HIBCH: variants seen among roughly 807,000 people sequenced by gnomAD.
HIBCH encodes the protein 3-hydroxyisobutyryl-CoA hydrolase, also known as 3-hydroxyisobutyryl-CoA hydrolase, mitochondrial.
HIBCH carries 50 observed loss-of-function variants against 58.2 expected under a neutral mutation model. The observed-to-expected ratio is 0.86, with a 90% CI of 0.68 to 1.09. HIBCH has a LOEUF of 1.09. HIBCH is among the 50% of genes least tolerant of loss of function. HIBCH has a pLI of 0.00. For synonymous variants in HIBCH, 151 were observed against 146.9 expected (o/e 1.03, Z -0.20); for missense variants, 450 against 449.7 (o/e 1.00, Z -0.01).
rs541884178 is a variant in HIBCH, at chr2:190,279,147, T to G, written c.438+8439A>C. Reference sequence around the variant, plus strand: ...AGGGGCAAGAGCATGCCAAACTGGCTTTTAAAACAGACCCATTCCCATGGT... The same window carrying G: ...AGGGGCAAGAGCATGCCAAACTGGCGTTTAAAACAGACCCATTCCCATGGT... On this transcript the variant is annotated intron_variant, in intron 6 of 13. Transcript: ENST00000359678. This position sits in a 1 kb window ranked among gnomAD's most constrained non-coding sequence, Gnocchi z 4.2. 3.3e-5 allele frequency among the ~76,000 whole-genome samples: 5 copies of G among 152,320 alleles called. No individual in the cohort carries two copies. The highest frequency in any genetic ancestry group is 1.3e-4 in the Admixed American group (2 of 15,304).
chr2:190,257,028 T>C (rs1054690694), intron 7 of HIBCH, among the ~76,000 whole-genome samples: 4 of 152,142 alleles, frequency 2.6e-5, no homozygotes, highest in African/African-American at 9.7e-5. Flanking sequence ...AAAAAAAGTA[T>C]TTGTAGAAAT....
chr2:190,192,873 C>G (rs1689782884), intron 1 of HIBCH, among the ~76,000 whole-genome samples: 1 of 152,068 alleles, frequency 6.6e-6, no homozygotes, highest in Non-Finnish European at 1.5e-5. Flanking sequence ...TAAGACCTTG[C>G]TACAATTATT....
Position 190,253,114 on chromosome 2 carries a change from G to A in HIBCH, c.518-807C>T, listed in dbSNP as rs113383585. On this transcript the variant is annotated intron_variant, in intron 7 of 13. Transcript: ENST00000359678. ...TGAGGCAGGAGAATCGCTTGAACCC[G>A]AGAGGCAGAGGTTGCAGTGAGCTAA... Among the ~76,000 whole-genome samples, 1,062 of 152,198 alleles carry A rather than the reference G, an allele frequency of 7.0e-3. 12 individuals carry two copies. Among genetic ancestry groups the A allele is most frequent in the African/African-American group, 0.023 (955 of 41,520 alleles).
chr2:190,239,103 T>A (rs1686373506), intron 11 of HIBCH, among the ~76,000 whole-genome samples: 1 of 152,196 alleles, frequency 6.6e-6, no homozygotes, highest in South Asian at 2.1e-4. Flanking sequence ...TTTTAGGTCT[T>A]ATGTTTAAGT....
chr2:190,231,262 T>C (rs2105920067), intron 11 of HIBCH, among the ~76,000 whole-genome samples: 1 of 152,302 alleles, frequency 6.6e-6, no homozygotes, highest in Non-Finnish European at 1.5e-5. Context: ...CTAGAAATCT[T>C]CCAGAAGAAA....
chr2:190,266,550 C>T (rs1418162111), intron 6 of HIBCH, among the ~76,000 whole-genome samples: 2 of 152,022 alleles, frequency 1.3e-5, no homozygotes, highest in African/African-American at 2.4e-5. Flanking sequence ...TCTCCTGCCT[C>T]GGCCTCCGGA....
Position 190,290,503 on chromosome 2 carries a change from C to CA in HIBCH, c.305-19dup. 6.7e-7 allele frequency: 1 copy of CA among 1,482,622 alleles called. No individual in the cohort carries two copies. The highest frequency in any genetic ancestry group is 1.2e-5 in the South Asian group (1 of 85,780). The allele number at this position is 1,482,622 out of a possible 1,614,324, so 91.8% of individuals were successfully genotyped here. On this transcript the variant is annotated intron_variant, in intron 4 of 13. Coordinates refer to ENST00000359678, the MANE Select transcript of HIBCH (RefSeq NM_014362.4). ...CGAGATCACTAGGAAGGAAAGATTA[C>CA]AAATAAAAAAAAAAAGATTTAATAG...
intron 11 of HIBCH, chr2:190,213,709 T>A (rs1202858225): frequency 6.5e-6 from 1 of 153,070 alleles, no homozygotes; most frequent in Admixed American, 6.5e-5. Flanking sequence ...TAACTAGGAT[T>A]GCAATGCATT....
chr2:190,274,808 T>C (rs1687503564), intron 6 of HIBCH, among the ~76,000 whole-genome samples: 1 of 152,224 alleles, frequency 6.6e-6, no homozygotes, highest in African/African-American at 2.4e-5. Context: ...AACGATTGTT[T>C]TGCAGATTTA....
intron 11 of HIBCH, among the ~76,000 whole-genome samples, chr2:190,241,834 T>C (rs980723620): frequency 9.9e-5 from 15 of 152,238 alleles, no homozygotes; most frequent in African/African-American, 2.7e-4. Context: ...AGGGATCTGC[T>C]GTTAGTCTGA....
At position 190,217,292 on chromosome 2, in the gene HIBCH, T is replaced by C. The variant is rs1296851464; in HGVS notation, c.892-4217A>G. Among the ~76,000 whole-genome samples the C allele has an allele frequency of 6.6e-6, 1 of 152,198 alleles. No individual in the cohort carries two copies. The highest frequency in any genetic ancestry group is 1.9e-4 in the East Asian group (1 of 5,178). ...TGAGGTCAAGAGTTCAAGACCAGCC[T>C]GGCCAACATGGTGAAACCCTGTCTC... On this transcript the variant is annotated intron_variant, in intron 11 of 13. Coordinates refer to ENST00000359678, the MANE Select transcript of HIBCH (RefSeq NM_014362.4). The surrounding 1 kb of genome is among the most constrained non-coding windows in gnomAD (Gnocchi z 4.6).
intron 2 of HIBCH, among the ~76,000 whole-genome samples, chr2:190,308,792 C>T (rs1406333688): frequency 2.0e-5 from 3 of 152,214 alleles, no homozygotes; most frequent in Non-Finnish European, 4.4e-5. Context: ...ATATGCCAGG[C>T]TTCGTATCCC....
At chr2:190,218,098 A>G (rs1334246021) in intron 11 of HIBCH, among the ~76,000 whole-genome samples, 1 of 122,776 alleles carries the variant, frequency 8.1e-6, no homozygotes, top group African/African-American at 3.1e-5. Context: ...CCCACCCCCC[A>G]AACTATAAAA....
At chr2:190,199,244 T>C (rs766882027), downstream of HIBCH, among the ~76,000 whole-genome samples, 15 of 152,176 alleles carry the variant, frequency 9.9e-5, no homozygotes, top group Non-Finnish European at 1.6e-4. Flanking sequence ...TAGTACATAT[T>C]TTAAGCTTTG....
chr2:190,224,848 C>T (rs755383680), intron 11 of HIBCH, among the ~76,000 whole-genome samples: 1 of 152,218 alleles, frequency 6.6e-6, no homozygotes, highest in African/African-American at 2.4e-5. Flanking sequence ...CTCAGCACCA[C>T]ATCAGTTATT....
chr2:190,225,971 C>T (rs10168769), intron 11 of HIBCH, among the ~76,000 whole-genome samples: 7,434 of 152,148 alleles, frequency 0.049, 324 homozygotes, highest in East Asian at 0.14. Context: ...TCAACATACA[C>T]AAATCAATAA....
At chr2:190,285,780 C>T (rs868641547) in intron 6 of HIBCH, among the ~76,000 whole-genome samples, 1 of 152,148 alleles carries the variant, frequency 6.6e-6, no homozygotes, top group Non-Finnish European at 1.5e-5. Context: ...GACCTCCCCC[C>T]GCCTTTCTGT....
At position 190,252,202 on chromosome 2, in the gene HIBCH, T is replaced by A; in HGVS notation, c.623A>T (p.Tyr208Phe). 3.1e-6 allele frequency: 5 copies of A among 1,613,958 alleles called. No homozygotes were observed. In the South Asian group the frequency reaches 5.5e-5, roughly 18 times the overall value. ...TGFRLKGRDV[Y>F]RAGIATHFVD... ...AAAGTGTGTAGCAATTCCTGCTCTG[T>A]ACACATCTCTTCCTTTTAGTCTGAA... Residue 208 changes from tyrosine (Y) to phenylalanine (F), a missense_variant, in exon 8 of 14, where the codon TAC becomes TTC. By Grantham distance (22) the Tyr-to-Phe change is conservative. Transcript: ENST00000359678.
chr2:190,296,906 T>G lies in HIBCH; in HGVS notation c.126A>C (p.Lys42Asn). 1.2e-6 allele frequency: 2 copies of G among 1,614,096 alleles called. No homozygotes were observed. Among genetic ancestry groups the G allele is most frequent in the Non-Finnish European group, 1.7e-6 (2 of 1,179,960 alleles). Reference sequence around the variant, plus strand: ...GTGTTATGACTCCCGTGCAACCTTTTTTTTCCAATAGCACCTCTTCTGCTG... The same window carrying G: ...GTGTTATGACTCCCGTGCAACCTTTGTTTTCCAATAGCACCTCTTCTGCTG... ...TDAAEEVLLE[K>N]KGCTGVITLN... Residue 42 changes from lysine to asparagine, a missense_variant, in exon 3 of 14, where the codon AAA becomes AAC. By Grantham distance (94) the Lys-to-Asn change is moderately conservative (BLOSUM62 0). Transcript: ENST00000359678.
Sources: gnomAD v4.1 joint callset for allele counts (sites outside exome capture counted in the v4.1 genomes callset) on GRCh38, gnomAD v4.1.1 for gene constraint, Gnocchi (gnomAD v3.1) non-coding constraint, MANE v1.5 for transcripts, NCBI Gene and HGNC (gene_info 2026-07-23, HGNC 2026-07-21) for gene names.